Variants in KCNB2 observed in about 807,000 individuals in gnomAD.
KCNB2 encodes potassium voltage-gated channel subfamily B member 2.
KCNB2 carries 15 observed loss-of-function variants against 61.5 expected under a neutral mutation model. That is an observed-to-expected ratio of 0.24 (90% CI 0.16 to 0.38). The LOEUF is 0.38. KCNB2 is among the 10% of genes least tolerant of loss of function. KCNB2 has a pLI of 1.00. For synonymous variants in KCNB2, 457 were observed against 446.0 expected, an observed-to-expected ratio of 1.02 and a Z score of -0.31; for missense variants, 828 against 1,125.2, an observed-to-expected ratio of 0.74 and a Z score of 3.78.
rs78032460 is a variant in KCNB2 at position 72,782,594 on chromosome 8, C to T, written c.580-153341C>T. On this transcript the variant is annotated intron_variant, in intron 2 of 2. Coordinates refer to ENST00000523207, the MANE Select transcript of KCNB2 (RefSeq NM_004770.3). Reference sequence around the variant, plus strand: ...ATCTGAGAAGACCCCAAGCCTGGAGCTCCTTGTTATGACCCACTGCTTTTA... The same window carrying T: ...ATCTGAGAAGACCCCAAGCCTGGAGTTCCTTGTTATGACCCACTGCTTTTA... Among the ~76,000 whole-genome samples the T allele has an allele frequency of 1.9e-3, 291 of 152,258 alleles. 2 individuals carry two copies. The highest frequency in any genetic ancestry group is 6.4e-3 in the African/African-American group (265 of 41,548).
intron 2 of KCNB2, among the ~76,000 whole-genome samples, chr8:72,894,090 A>G (rs1374098989): frequency 6.6e-6 from 1 of 152,188 alleles, no homozygotes; most frequent in African/African-American, 2.4e-5. Context: ...CAGGAATTCA[A>G]GTAAGGGATT....
chr8:72,698,962 C>T (rs1207104127), intron 2 of KCNB2, among the ~76,000 whole-genome samples: 1 of 151,904 alleles, frequency 6.6e-6, no homozygotes, highest in Non-Finnish European at 1.5e-5. Flanking sequence ...TTATGAGTAA[C>T]TCCTTAAAAG....
chr8:72,924,335 A>G (rs1158545181), intron 2 of KCNB2, among the ~76,000 whole-genome samples: 1 of 145,520 alleles, frequency 6.9e-6, no homozygotes, highest in Non-Finnish European at 1.5e-5. Context: ...GCTGGTTTAA[A>G]CTGTATGGGA....
At chr8:72,771,089 T>A (rs974915052) in intron 2 of KCNB2, among the ~76,000 whole-genome samples, 1 of 152,238 alleles carries the variant, frequency 6.6e-6, no homozygotes, top group Non-Finnish European at 1.5e-5. Context: ...AGCTGAAGTC[T>A]GTGGTTTCTC....
intron 1 of KCNB2, among the ~76,000 whole-genome samples, chr8:72,561,922 G>A (rs1442926911): frequency 6.6e-6 from 1 of 150,470 alleles, no homozygotes; most frequent in Non-Finnish European, 1.5e-5. Flanking sequence ...TTAATCTTCA[G>A]CTAACAGTTA....
At chr8:72,851,840 A>C (rs11989906) in intron 2 of KCNB2, among the ~76,000 whole-genome samples, 12 of 134,526 alleles carry the variant, frequency 8.9e-5, no homozygotes, top group African/African-American at 2.7e-4. Context: ...AAAAAAAAAA[A>C]AAAAAAAACA....
chr8:72,917,189 T>A lies in KCNB2; in HGVS notation c.580-18746T>A, dbSNP rs561548580. 2.0e-5 allele frequency among the ~76,000 whole-genome samples: 3 copies of A among 152,264 alleles called. No homozygotes were observed. In the East Asian group the frequency reaches 5.8e-4, roughly 29 times the overall value. On this transcript the variant is annotated intron_variant, in intron 2 of 2. Coordinates refer to ENST00000523207, the MANE Select transcript of KCNB2 (RefSeq NM_004770.3). ...TTCCTTGTGAGGCTTTTTCGATGAG[T>A]ACTAAAGTTGAGAAATGATTTAAAG...
At chr8:72,830,455 T>A (rs1019314647) in intron 2 of KCNB2, among the ~76,000 whole-genome samples, 3 of 152,160 alleles carry the variant, frequency 2.0e-5, no homozygotes, top group African/African-American at 7.2e-5. Context: ...TTGGACATCA[T>A]ATACTAAATA....
intron 2 of KCNB2, among the ~76,000 whole-genome samples, chr8:72,924,640 G>A (rs1213134465): frequency 1.3e-5 from 2 of 152,030 alleles, no homozygotes; most frequent in Non-Finnish European, 2.9e-5. Context: ...GCATCAGACA[G>A]CTATAAAAAA....
intron 2 of KCNB2, among the ~76,000 whole-genome samples, chr8:72,733,032 T>C (rs1467543093): frequency 2.0e-5 from 3 of 151,586 alleles, no homozygotes; most frequent in Non-Finnish European, 1.5e-5. Context: ...AAAGATAAAT[T>C]AACATGTAAG....
intron 2 of KCNB2, among the ~76,000 whole-genome samples, chr8:72,591,137 C>G (rs1440325258): frequency 6.6e-6 from 1 of 152,108 alleles, no homozygotes; most frequent in East Asian, 1.9e-4. Flanking sequence ...CTTTGAAAAT[C>G]TCTTGTAACT....
At chr8:72,812,157 G>A (rs565912440) in intron 2 of KCNB2, among the ~76,000 whole-genome samples, 1 of 152,066 alleles carries the variant, frequency 6.6e-6, no homozygotes, top group Non-Finnish European at 1.5e-5. Flanking sequence ...AGCTACTCGC[G>A]AGGCTGAGGG....
chr8:72,572,151 G>A (rs938910793), intron 2 of KCNB2, among the ~76,000 whole-genome samples: 8 of 152,302 alleles, frequency 5.3e-5, no homozygotes, highest in African/African-American at 1.9e-4. Flanking sequence ...CACTTTGGAT[G>A]TCTTAAGAAG....
At chr8:72,755,004 G>A (rs1334056245) in intron 2 of KCNB2, among the ~76,000 whole-genome samples, 1 of 152,114 alleles carries the variant, frequency 6.6e-6, no homozygotes, top group Non-Finnish European at 1.5e-5. Flanking sequence ...AACATCAACA[G>A]TTGGTAGAAG....
At chr8:72,835,965 T>A (rs1011734342) in intron 2 of KCNB2, among the ~76,000 whole-genome samples, 2 of 152,216 alleles carry the variant, frequency 1.3e-5, no homozygotes, top group Admixed American at 6.5e-5. Context: ...TCCTTGTCTT[T>A]TTGTAATAAT....
rs1256178561 is a variant in KCNB2, at chr8:72,821,636, AAAAAC to A, written c.580-114294_580-114290del. ...TAAGTTCCTACACACACACACAAAA[AAAAAC>A]AAAAAAAAAAAAAAAAAAACACACA... On this transcript the variant is annotated intron_variant, in intron 2 of 2. Coordinates refer to ENST00000523207, the MANE Select transcript of KCNB2 (RefSeq NM_004770.3). Among the ~76,000 whole-genome samples the A allele has an allele frequency of 5.6e-3, 596 of 106,020 alleles. 4 individuals carry two copies. Among genetic ancestry groups the A allele is most frequent in the African/African-American group, 0.02 (551 of 27,166 alleles). The allele number at this position is 106,020 out of a possible 152,430, so 69.6% of individuals were successfully genotyped here. A position where few individuals can be genotyped will look rare whatever the true frequency, so the allele number is the denominator to read the frequency against.
At chr8:72,806,330 C>T (rs1005194486) in intron 2 of KCNB2, among the ~76,000 whole-genome samples, 5 of 148,900 alleles carry the variant, frequency 3.4e-5, no homozygotes, top group Admixed American at 6.7e-5. Context: ...TGCACTCCAA[C>T]CTGGGTGACA....
At chr8:72,650,245 T>A (rs1806192675) in intron 2 of KCNB2, among the ~76,000 whole-genome samples, 1 of 152,188 alleles carries the variant, frequency 6.6e-6, no homozygotes. Flanking sequence ...TCCATTTAAC[T>A]AATGATTCCA....
At chr8:72,916,566 C>T (rs1352331649) in intron 2 of KCNB2, among the ~76,000 whole-genome samples, 3 of 152,316 alleles carry the variant, frequency 2.0e-5, no homozygotes, top group African/African-American at 7.2e-5. Flanking sequence ...TGTCTGTGGA[C>T]AGCTTAAGTG....
Sources: allele counts gnomAD v4.1 joint callset (sites outside exome capture counted in the v4.1 genomes callset), GRCh38; gene constraint gnomAD v4.1.1; transcripts MANE v1.5; gene names NCBI Gene and HGNC (gene_info 2026-07-23, HGNC 2026-07-21).